The following SHROOM1 variants were observed in gnomAD, a reference collection of about 807,000 sequenced individuals.
The protein encoded by SHROOM1 is shroom family member 1, also known as protein Shroom1.
In SHROOM1, 53 loss-of-function variants were observed where a neutral mutation model predicts 64.2. The ratio of observed to expected loss-of-function variants is 0.83; its 90% CI spans 0.66 to 1.04. SHROOM1 has a LOEUF of 1.04. SHROOM1 is among the 50% of genes least tolerant of loss of function. SHROOM1 has a pLI of 0.00. For missense variants in SHROOM1, 1,179 were observed against 1,163.2 expected (o/e 1.01, Z -0.20); for synonymous variants, 490 against 518.9 (o/e 0.94, Z 0.76).
chr5:132,823,286 C>T lies in SHROOM1; in HGVS notation c.2190G>A (p.Leu730=). ...GGTCGCTGTCTGAGGCCGCCCGGGC[C>T]AGGGCGCGGCGCACGCGCGCCAGGC... ...GSRLARVRRA[L]ARAASDSDPD... The change falls in exon 9 of 10, where the codon CTG becomes CTA. Residue 730 remains leucine, a synonymous_variant. Coordinates refer to ENST00000378679, the MANE Select transcript of SHROOM1 (RefSeq NM_001172700.2). The surrounding 1 kb of genome is among the most constrained non-coding windows in gnomAD (Gnocchi z 4.6). The T allele has an allele frequency of 6.2e-7, 1 of 1,600,544 alleles. No homozygotes were observed.
rs747871416 is a variant in SHROOM1, at chr5:132,824,411, G to C, written c.1250C>G (p.Ala417Gly). The C allele has an allele frequency of 1.6e-5, 25 of 1,534,280 alleles. No individual in the cohort carries two copies. The highest frequency in any genetic ancestry group is 2.1e-5 in the Non-Finnish European group (24 of 1,143,742). The stretch of plus-strand genomic sequence containing the variant: ...GCCAGTTCCATACGGCTGGTCAGAG[G>C]CATGGACACTGGAAGCAGAAAAGAC... ...ASQGPPASVHASDQPYGTGLG... is the reference protein window; with the variant it reads ...ASQGPPASVHGSDQPYGTGLG... Residue 417 changes from alanine to glycine, a missense_variant, in exon 7 of 10, where the codon GCC (alanine) becomes GGC (glycine). Coordinates refer to ENST00000378679, the MANE Select transcript of SHROOM1 (RefSeq NM_001172700.2).
rs1758519313 is a variant in SHROOM1 at position 132,823,333 on chromosome 5, G to A, written c.2143C>T (p.Leu715Phe). The A allele has an allele frequency of 6.2e-7, 1 of 1,605,426 alleles. No individual in the cohort carries two copies. The highest frequency in any genetic ancestry group is 1.1e-5 in the South Asian group (1 of 91,026). ...AGGCGACTGCCCAGCAGCAGCAGAA[G>A]GCCAAGCACGCGCTCTAGGTCGGCC... The part of the protein sequence containing the change: ...FMADLERVLG[L>F]LLLLGSRLAR... Residue 715 changes from leucine to phenylalanine, a missense_variant, in exon 9 of 10, where the codon CTT becomes TTT. Transcript: ENST00000378679. This position sits in a 1 kb window ranked among gnomAD's most constrained non-coding sequence, Gnocchi z 4.6.
Position 132,825,787 on chromosome 5 carries a change from C to G in SHROOM1, c.354G>C (p.Leu118=), listed in dbSNP as rs1486807957. ...NRQATPLLYA[L]AAEAEAAAQA... ...GCGCCGCGGCCTCCGCCTCGGCCGCCAGCGCGTACAGCAGCGGGGTGGCCT... is the reference window on the plus strand; with the variant it reads ...GCGCCGCGGCCTCCGCCTCGGCCGCGAGCGCGTACAGCAGCGGGGTGGCCT... Residue 118 remains leucine, a synonymous_variant, in exon 4 of 10, where the codon CTG becomes CTC. Transcript: ENST00000378679. This position sits in a 1 kb window ranked among gnomAD's most constrained non-coding sequence, Gnocchi z 5.1. The G allele has an allele frequency of 4.0e-6, 5 of 1,244,174 alleles. No individual in the cohort carries two copies. Among genetic ancestry groups the G allele is most frequent in the Non-Finnish European group, 5.0e-6 (5 of 997,054 alleles). 77.1% of individuals were successfully genotyped at this position (1,244,174 alleles called of 1,614,324 possible).
chr5:132,828,585 T>G (rs1413018844), intron 1 of SHROOM1, among the ~76,000 whole-genome samples: 1 of 152,152 alleles, frequency 6.6e-6, no homozygotes, highest in Non-Finnish European at 1.5e-5. Context: ...TCCTGCCCAT[T>G]TTGGCTTGCT....
chr5:132,828,658 T>C (rs1739290230), intron 1 of SHROOM1, among the ~76,000 whole-genome samples: 1 of 152,232 alleles, frequency 6.6e-6, no homozygotes, highest in Non-Finnish European at 1.5e-5. Context: ...TGAAAATCTA[T>C]GAAAATCTAT....
chr5:132,829,929 CAG>C, intron 1 of SHROOM1: 1 of 985,480 alleles, frequency 1.0e-6, no homozygotes. Context: ...ACCCCAGATG[CAG>C]AGTCTCTGGA....
chr5:132,822,874 A>G lies in SHROOM1; in HGVS notation c.2481T>C (p.His827=). The G allele has an allele frequency of 6.2e-7, 1 of 1,613,624 alleles. No homozygotes were observed. The highest frequency in any genetic ancestry group is 8.5e-7 in the Non-Finnish European group (1 of 1,179,992). The part of the protein sequence containing the change: ...LDAIRDDLGH[H]APSPSPARPP... ...GCCGCGCCGGGCTGGGAGACGGGGC[A>G]TGATGGCCAAGGTCGTCCCTGATGG... is the stretch of plus-strand genomic sequence containing the variant. Residue 827 remains histidine, a synonymous_variant, in exon 10 of 10, where the codon CAT becomes CAC. Coordinates refer to ENST00000378679, the MANE Select transcript of SHROOM1 (RefSeq NM_001172700.2).
chr5:132,829,702 G>A (rs1758794764), intron 1 of SHROOM1: 1 of 985,280 alleles, frequency 1.0e-6, no homozygotes, highest in Admixed American at 6.1e-5. Context: ...CTGTGTAGGC[G>A]CTGTCTCCCT....
chr5:132,826,297 C>G lies in SHROOM1; in HGVS notation c.-63G>C. ...CTTACACTTCCCCTCCCTGGTCACA[C>G]CGTCACAAGCGCTGGCATCCCCCAG... On this transcript the variant is annotated 5_prime_UTR_variant, in exon 3 of 10. Transcript: ENST00000378679. The G allele has an allele frequency of 1.6e-6, 2 of 1,241,518 alleles. No individual in the cohort carries two copies. The highest frequency in any genetic ancestry group is 2.0e-6 in the Non-Finnish European group (2 of 993,858). 76.9% of individuals were successfully genotyped at this position (1,241,518 alleles called of 1,614,324 possible). A position where few individuals can be genotyped will look rare whatever the true frequency, so the allele number is the denominator to read the frequency against.
Position 132,822,989 on chromosome 5 carries a change from T to C in SHROOM1, c.2366A>G (p.Tyr789Cys), listed in dbSNP as rs1461739461. 1 of 1,607,784 alleles carries C rather than the reference T, an allele frequency of 6.2e-7. No individual in the cohort carries two copies. The highest frequency in any genetic ancestry group is 8.5e-7 in the Non-Finnish European group (1 of 1,179,730). ...RALPVEELRV[Y>C]CALLAGKAAV... is the part of the protein sequence containing the mutation. The stretch of plus-strand genomic sequence containing the variant: ...GGCCTTGCCCGCCAGCAGGGCGCAA[T>C]AGACGCGCAGCTCCTCCACCGGTAG... The change falls in exon 10 of 10, where the codon TAT (tyrosine) becomes TGT (cysteine). Residue 789 changes from tyrosine to cysteine, a missense_variant. Tyr to Cys is a radical substitution (Grantham distance 194). Coordinates refer to ENST00000378679, the MANE Select transcript of SHROOM1 (RefSeq NM_001172700.2).
At position 132,822,580 on chromosome 5, in the gene SHROOM1, G is replaced by C. The variant is rs570770250; in HGVS notation, c.*216C>G. On this transcript the variant is annotated 3_prime_UTR_variant, in exon 10 of 10. Transcript: ENST00000378679. ...GGGTTTCACCGTGTTAGCCAGGATG[G>C]TCTCGATCTCCTGACCTTGTGATCC... 126 of 525,192 alleles carry C rather than the reference G, an allele frequency of 2.4e-4. No individual in the cohort carries two copies. Among genetic ancestry groups the C allele is most frequent in the Admixed American group, 2.3e-3 (67 of 28,778 alleles). The allele number at this position is 525,192 out of a possible 1,614,324, so 32.5% of individuals were successfully genotyped here.
In SHROOM1 at chr5:132,826,391, G is replaced by C; in HGVS notation, c.-157C>G. The C allele has an allele frequency of 1.4e-6, 1 of 732,160 alleles. No homozygotes were observed. Among genetic ancestry groups the C allele is most frequent in the Non-Finnish European group, 1.9e-6 (1 of 534,222 alleles). 45.4% of individuals were successfully genotyped at this position (732,160 alleles called of 1,614,324 possible). ...AGGACCAGTCCCAGGGAGCACCTCTGAAGGTTGAGGGCCCAGCTCAGGGGA... is the reference window on the plus strand; with the variant it reads ...AGGACCAGTCCCAGGGAGCACCTCTCAAGGTTGAGGGCCCAGCTCAGGGGA... On this transcript the variant is annotated 5_prime_UTR_variant, in exon 3 of 10. Transcript: ENST00000378679.
rs1310581689 is a variant in SHROOM1 at position 132,823,748 on chromosome 5, A to G, written c.1828T>C (p.Phe610Leu). The G allele has an allele frequency of 6.3e-7, 1 of 1,592,968 alleles. No homozygotes were observed. Among genetic ancestry groups the G allele is most frequent in the Admixed American group, 1.8e-5 (1 of 56,246 alleles). The change falls in exon 8 of 10, where the codon TTC becomes CTC. Residue 610 changes from phenylalanine (F) to leucine (L), a missense_variant. Transcript: ENST00000378679. The surrounding 1 kb of genome is among the most constrained non-coding windows in gnomAD (Gnocchi z 4.6). ...TFEPGSYQFSFTQLLPAPREE... is the reference protein window; with the variant it reads ...TFEPGSYQFSLTQLLPAPREE... ...CGAGGAGCCGGCAGGAGCTGGGTGA[A>G]GCTGAACTGATAGGACCTGGGAACA...
rs767294279 is a variant in SHROOM1 at position 132,823,345 on chromosome 5, G to T, written c.2131C>A (p.Arg711Ser). Residue 711 changes from arginine to serine, a missense_variant, in exon 9 of 10, where the codon CGC becomes AGC. Coordinates refer to ENST00000378679, the MANE Select transcript of SHROOM1 (RefSeq NM_001172700.2). This position sits in a 1 kb window ranked among gnomAD's most constrained non-coding sequence, Gnocchi z 4.6. ...AGCAGCAGCAGAAGGCCAAGCACGCGCTCTAGGTCGGCCATGAACCGGCTG... is the reference window on the plus strand; with the variant it reads ...AGCAGCAGCAGAAGGCCAAGCACGCTCTCTAGGTCGGCCATGAACCGGCTG... Reference protein sequence around the residue: ...RFSRFMADLERVLGLLLLLGS... With the variant: ...RFSRFMADLESVLGLLLLLGS... 4 of 1,606,508 alleles carry T rather than the reference G, an allele frequency of 2.5e-6. No individual in the cohort carries two copies. The South Asian group carries it at 4.4e-5, about 18-fold the overall frequency.
chr5:132,823,560 C>A lies in SHROOM1; in HGVS notation c.1954-38G>T, dbSNP rs569831734. 5.7e-6 allele frequency: 9 copies of A among 1,570,026 alleles called. No individual in the cohort carries two copies. In the East Asian group the frequency reaches 1.6e-4, roughly 28 times the overall value. ...CTCAAGGCTGGGGCCAGGCTCATGA[C>A]TTCCCTGCCCAGGCTCTGGGCTCCT... On this transcript the variant is annotated intron_variant, in intron 8 of 9. Coordinates refer to ENST00000378679, the MANE Select transcript of SHROOM1 (RefSeq NM_001172700.2). This position sits in a 1 kb window ranked among gnomAD's most constrained non-coding sequence, Gnocchi z 4.6.
At position 132,826,167 on chromosome 5, in the gene SHROOM1, G is replaced by C; in HGVS notation, c.-27C>G. ...GCTGCGCAGATGAGTGCTGAGGCTG[G>C]GTGGCTGCGTGGGTCCTGGGAAAAC... On this transcript the variant is annotated 5_prime_UTR_variant, in exon 4 of 10. Coordinates refer to ENST00000378679, the MANE Select transcript of SHROOM1 (RefSeq NM_001172700.2). The C allele has an allele frequency of 7.6e-7, 1 of 1,320,154 alleles. No individual in the cohort carries two copies. The allele number at this position is 1,320,154 out of a possible 1,614,324, so 81.8% of individuals were successfully genotyped here.
rs1758810353 is a variant in SHROOM1 at position 132,830,447 on chromosome 5, C to A, written c.-501+147G>T. Reference sequence around the variant, plus strand: ...CAACCTGACGCGGCGCCGAGCCAGACACGTCCCGGCCGAACGATGCCCGGG... The same window carrying A: ...CAACCTGACGCGGCGCCGAGCCAGAAACGTCCCGGCCGAACGATGCCCGGG... On this transcript the variant is annotated intron_variant, in intron 1 of 9. Coordinates refer to ENST00000378679, the MANE Select transcript of SHROOM1 (RefSeq NM_001172700.2). This position sits in a 1 kb window ranked among gnomAD's most constrained non-coding sequence, Gnocchi z 5.9. The A allele has an allele frequency of 1.0e-6, 1 of 985,002 alleles. No homozygotes were observed. Among genetic ancestry groups the A allele is most frequent in the Non-Finnish European group, 1.2e-6 (1 of 829,880 alleles). The allele number at this position is 985,002 out of a possible 1,614,324, so 61.0% of individuals were successfully genotyped here. A position where few individuals can be genotyped will look rare whatever the true frequency, so the allele number is the denominator to read the frequency against.
rs1758465170 is a variant in SHROOM1 at position 132,822,260 on chromosome 5, G to A, written c.*536C>T. 1 of 151,580 alleles carries A rather than the reference G, an allele frequency of 6.6e-6. No homozygotes were observed. Among genetic ancestry groups the A allele is most frequent in the African/African-American group, 2.4e-5 (1 of 41,252 alleles). 9.4% of individuals were successfully genotyped at this position (151,580 alleles called of 1,614,324 possible). ...CCCCACACTCTCATCACAAAATGGG[G>A]GAATACTGCAGTTTTTAAGATCCAT... On this transcript the variant is annotated 3_prime_UTR_variant, in exon 10 of 10. Coordinates refer to ENST00000378679, the MANE Select transcript of SHROOM1 (RefSeq NM_001172700.2).
rs1367454768 is a variant in SHROOM1 at position 132,822,538 on chromosome 5, T to C, written c.*258A>G. 5.9e-6 allele frequency: 2 copies of C among 338,142 alleles called. No homozygotes were observed. The highest frequency in any genetic ancestry group is 1.1e-5 in the Non-Finnish European group (2 of 185,834). 20.9% of individuals were successfully genotyped at this position (338,142 alleles called of 1,614,324 possible). A position where few individuals can be genotyped will look rare whatever the true frequency, so the allele number is the denominator to read the frequency against. ...GCCACCACGCCCGGCTAATTTTTTA[T>C]ATTTTTAGTAGAGACGGGGTTTCAC... On this transcript the variant is annotated 3_prime_UTR_variant, in exon 10 of 10. Coordinates refer to ENST00000378679, the MANE Select transcript of SHROOM1 (RefSeq NM_001172700.2).
Sources: gnomAD v4.1 joint callset for allele counts (sites outside exome capture counted in the v4.1 genomes callset) on GRCh38, gnomAD v4.1.1 for gene constraint, Gnocchi (gnomAD v3.1) non-coding constraint, MANE v1.5 for transcripts, NCBI Gene and HGNC (gene_info 2026-07-23, HGNC 2026-07-21) for gene names.